SMURF1: variants seen among roughly 807,000 people sequenced by gnomAD.
SMURF1 encodes the protein SMAD specific E3 ubiquitin protein ligase 1.
Under a neutral mutation model 98.0 loss-of-function variants are expected in SMURF1, and 44 were observed. The observed-to-expected ratio is 0.45, with a 90% CI of 0.35 to 0.58. The LOEUF (loss-of-function observed/expected upper bound fraction) is 0.58, where lower values mean the gene tolerates loss of function less well. Among genes scored for constraint, SMURF1 ranks in the 20% least tolerant of loss-of-function variants. SMURF1 has a pLI of 0.00. For missense variants in SMURF1, 687 were observed against 938.4 expected (o/e 0.73, Z 3.50); for synonymous variants, 396 against 374.9 (o/e 1.06, Z -0.65).
chr7:99,098,285 G>A (rs1246734130), intron 1 of SMURF1, among the ~76,000 whole-genome samples: 1 of 152,012 alleles, frequency 6.6e-6, no homozygotes, highest in East Asian at 1.9e-4. Context: ...CAGGGGAGAC[G>A]ATAAGATTTT....
At chr7:99,059,524 G>C (rs988054151) in intron 3 of SMURF1, among the ~76,000 whole-genome samples, 1 of 151,884 alleles carries the variant, frequency 6.6e-6, no homozygotes, top group African/African-American at 2.4e-5. Flanking sequence ...TGATGGCTTT[G>C]ATCATATAAA....
intron 1 of SMURF1, among the ~76,000 whole-genome samples, chr7:99,101,399 T>C (rs1298761047): frequency 6.6e-6 from 1 of 152,074 alleles, no homozygotes; most frequent in Non-Finnish European, 1.5e-5. Flanking sequence ...AAAAGAATGT[T>C]CCATTCATGT....
At position 99,057,247 on chromosome 7, in the gene SMURF1, G is replaced by A. The variant is rs1795899561; in HGVS notation, c.361C>T (p.Leu121=). Residue 121 remains leucine, a synonymous_variant, in exon 5 of 18, where the codon CTA becomes TTA. Coordinates refer to ENST00000361368, the MANE Select transcript of SMURF1 (RefSeq NM_181349.3). The part of the protein sequence containing the change: ...TGYQRLDLCK[L]NPSDTDAVRG... ...ACTGCATCAGTATCTGAGGGGTTTA[G>A]TTTGCATAGATCCAAACGCTGGTCT... 1.2e-6 allele frequency: 2 copies of A among 1,614,086 alleles called. No individual in the cohort carries two copies. Among genetic ancestry groups the A allele is most frequent in the Non-Finnish European group, 1.7e-6 (2 of 1,179,992 alleles).
At chr7:99,136,456 TAA>T (rs1352932326) in intron 1 of SMURF1, among the ~76,000 whole-genome samples, 1 of 151,608 alleles carries the variant, frequency 6.6e-6, no homozygotes, top group Non-Finnish European at 1.5e-5. Flanking sequence ...TCCATCCAGC[TAA>T]AGTTTTTTAT....
At position 99,049,280 on chromosome 7, in the gene SMURF1, C is replaced by T. The variant is rs1483159751; in HGVS notation, c.953+283G>A. ...GGCCACGTGTCTCATGAGAGCGCTG[C>T]GTGCGGAAACTTCCTTCGTGCAGCC... On this transcript the variant is annotated intron_variant, in intron 9 of 17. Coordinates refer to ENST00000361368, the MANE Select transcript of SMURF1 (RefSeq NM_181349.3). The T allele has an allele frequency of 2.7e-5, 10 of 372,466 alleles. No homozygotes were observed. In the South Asian group the frequency reaches 2.7e-4, roughly 10 times the overall value. 23.1% of individuals were successfully genotyped at this position (372,466 alleles called of 1,614,324 possible). A position where few individuals can be genotyped will look rare whatever the true frequency, so the allele number is the denominator to read the frequency against.
intron 1 of SMURF1, among the ~76,000 whole-genome samples, chr7:99,129,367 A>G (rs1797814657): frequency 6.6e-6 from 1 of 152,132 alleles, no homozygotes; most frequent in African/African-American, 2.4e-5. Context: ...ACAACACTGA[A>G]GTGATTCCAG....
chr7:99,088,027 C>T (rs1459217294), intron 1 of SMURF1, among the ~76,000 whole-genome samples: 1 of 151,892 alleles, frequency 6.6e-6, no homozygotes, highest in Non-Finnish European at 1.5e-5. Flanking sequence ...GAGGCCGAGG[C>T]AGGTGGATCA....
intron 1 of SMURF1, among the ~76,000 whole-genome samples, chr7:99,106,692 G>A (rs924934947): frequency 3.3e-5 from 5 of 152,184 alleles, no homozygotes; most frequent in Non-Finnish European, 4.4e-5. Flanking sequence ...AGGCAGGATC[G>A]CTTGAGCCTG....
intron 11 of SMURF1, among the ~76,000 whole-genome samples, chr7:99,043,317 CACACACCTGCACATGTGTA>C (rs1795454547): frequency 1.3e-5 from 2 of 152,128 alleles, no homozygotes; most frequent in African/African-American, 4.8e-5. Context: ...GGATAATGAA[CACACACCTGCACATGTGTA>C]ATACACATGC....
intron 14 of SMURF1, among the ~76,000 whole-genome samples, chr7:99,037,937 C>T (rs1016329298): frequency 1.4e-4 from 21 of 152,204 alleles, no homozygotes; most frequent in African/African-American, 5.1e-4. Context: ...CAGCACAGGA[C>T]AGCGTGGCAC....
At chr7:99,124,613 T>C (rs536026743) in intron 1 of SMURF1, among the ~76,000 whole-genome samples, 112 of 151,710 alleles carry the variant, frequency 7.4e-4, no homozygotes, top group African/African-American at 2.6e-3. Context: ...TTTTAAGCAG[T>C]ATCTGACTGT....
At chr7:99,122,351 AG>A (rs759137771) in intron 1 of SMURF1, among the ~76,000 whole-genome samples, 2,476 of 139,610 alleles carry the variant, frequency 0.018, 90 homozygotes, top group African/African-American at 0.062. Flanking sequence ...AAGAAGAAGA[AG>A]AAAAAAAAAG....
At chr7:99,067,277 T>C (rs1178179332) in intron 1 of SMURF1, among the ~76,000 whole-genome samples, 1 of 151,940 alleles carries the variant, frequency 6.6e-6, no homozygotes, top group African/African-American at 2.4e-5. Context: ...ATTACAGGTG[T>C]GAGCCACCAT....
At chr7:99,077,125 T>G (rs1015357889) in intron 1 of SMURF1, among the ~76,000 whole-genome samples, 4 of 152,046 alleles carry the variant, frequency 2.6e-5, no homozygotes, top group African/African-American at 9.7e-5. Flanking sequence ...TTATCTTTCT[T>G]TAATAATAAA....
chr7:99,053,309 CT>C (rs2150529170), intron 6 of SMURF1, among the ~76,000 whole-genome samples: 1 of 152,050 alleles, frequency 6.6e-6, no homozygotes, highest in East Asian at 1.9e-4. Context: ...AATGAACCCC[CT>C]GTGTCCACCC....
At chr7:99,083,541 C>T (rs896955380) in intron 1 of SMURF1, among the ~76,000 whole-genome samples, 3 of 152,168 alleles carry the variant, frequency 2.0e-5, no homozygotes, top group African/African-American at 4.8e-5. Flanking sequence ...AAATAAATAA[C>T]CTACCCATTA....
intron 10 of SMURF1, among the ~76,000 whole-genome samples, 199 bp downstream of exon 10, chr7:99,047,485 C>A (rs1795621286): frequency 6.6e-6 from 1 of 152,208 alleles, no homozygotes; most frequent in Admixed American, 6.5e-5. Context: ...GTGGTCCTGA[C>A]AAACTCTGCA....
intron 6 of SMURF1, 88 bp downstream of exon 6, chr7:99,054,702 G>C: frequency 9.4e-7 from 1 of 1,065,004 alleles, no homozygotes; most frequent in Non-Finnish European, 1.4e-6. Flanking sequence ...TCTGCAGAGT[G>C]ACTTAAGGAG....
At chr7:99,076,758 G>C (rs1031836663) in intron 1 of SMURF1, among the ~76,000 whole-genome samples, 21 of 152,180 alleles carry the variant, frequency 1.4e-4, no homozygotes, top group African/African-American at 4.6e-4. Context: ...TGTTAATTGG[G>C]GAATCTGGAC....
Sources: allele counts gnomAD v4.1 joint callset (sites outside exome capture counted in the v4.1 genomes callset), GRCh38; gene constraint gnomAD v4.1.1; transcripts MANE v1.5; gene names NCBI Gene and HGNC (gene_info 2026-07-23, HGNC 2026-07-21).